The following NCOA4 variants were observed in gnomAD, a reference collection of about 807,000 sequenced individuals.
The protein encoded by NCOA4 is nuclear receptor coactivator 4, also known as 70 kDa AR-activator.
A neutral mutation model predicts 69.5 loss-of-function variants in NCOA4; 31 were observed. The observed-to-expected ratio is 0.45, with a 90% CI of 0.34 to 0.60. The LOEUF (loss-of-function observed/expected upper bound fraction) is 0.60, where lower values mean the gene tolerates loss of function less well. Among genes scored for constraint, NCOA4 ranks in the 20% least tolerant of loss-of-function variants. NCOA4 has a pLI of 0.02. For missense variants in NCOA4, 600 were observed against 719.2 expected (o/e 0.83, Z 1.90); for synonymous variants, 228 against 252.4 (o/e 0.90, Z 0.92).
Position 46,011,186 on chromosome 10 carries a change from AT to A in NCOA4, c.734del (p.Asn245IlefsTer10). ...ENSQTSSRAC[N>X]FFNNVGGNLK... ...GGTTTCCCCCGACATTATTGAAGAA[AT>A]TGCAGGCTCTGGAAGAAGTCTACAC... On this transcript the variant is annotated frameshift_variant, in exon 8 of 10. Transcript: ENST00000581486. LOFTEE classifies it high-confidence loss of function. The A allele has an allele frequency of 6.3e-7, 1 of 1,595,208 alleles. No individual in the cohort carries two copies. Among genetic ancestry groups the A allele is most frequent in the Non-Finnish European group, 8.5e-7 (1 of 1,173,908 alleles).
At chr10:46,012,770 T>C (rs1839310457) in intron 7 of NCOA4, 113 bp downstream of exon 7, 1 of 1,019,796 alleles carries the variant, frequency 9.8e-7, no homozygotes, top group South Asian at 2.8e-5. Context: ...TATTAATAAA[T>C]ATGTTTCCAG....
chr10:46,020,829 G>A (rs1839824255), intron 1 of NCOA4, among the ~76,000 whole-genome samples: 1 of 152,142 alleles, frequency 6.6e-6, no homozygotes. Context: ...TACTAAAAAT[G>A]TCTTTTTATC....
rs540189769 is a variant in NCOA4, at chr10:46,006,488, C to G, written c.*104G>C. The G allele has an allele frequency of 3.4e-5, 44 of 1,302,676 alleles. No individual in the cohort carries two copies. In the South Asian group the frequency reaches 4.7e-4, roughly 14 times the overall value. 80.7% of individuals were successfully genotyped at this position (1,302,676 alleles called of 1,614,324 possible). ...AAAATTAGGCAGGAGAAGAACTAAG[C>G]TAATTGGTCAGACCCAGAAACACAA... On this transcript the variant is annotated 3_prime_UTR_variant, in exon 10 of 10. Transcript: ENST00000581486.
Position 46,010,289 on chromosome 10 carries a change from C to T in NCOA4, c.1632G>A (p.Lys544=). 6.2e-7 allele frequency: 1 copy of T among 1,613,922 alleles called. No individual in the cohort carries two copies. The highest frequency in any genetic ancestry group is 8.5e-7 in the Non-Finnish European group (1 of 1,179,948). ...ATAACTGGCTGAGGTTGCCCATCTTCTTTCCTGGCAGGACCCAGTCAGCTG... is the reference window on the plus strand; with the variant it reads ...ATAACTGGCTGAGGTTGCCCATCTTTTTTCCTGGCAGGACCCAGTCAGCTG... ...FNTADWVLPG[K]KMGNLSQLSS... Residue 544 remains lysine (K), a synonymous_variant, in exon 8 of 10, where the codon AAG becomes AAA. Coordinates refer to ENST00000581486, the MANE Select transcript of NCOA4 (RefSeq NM_001145263.2).
chr10:46,014,404 G>T, intron 5 of NCOA4, 40 bp downstream of exon 5: 1 of 1,409,066 alleles, frequency 7.1e-7, no homozygotes, highest in Non-Finnish European at 1.0e-6. Context: ...TGAGGCCACA[G>T]ATATGAGAAG....
intron 9 of NCOA4, among the ~76,000 whole-genome samples, chr10:46,007,642 GACC>G (rs1838924629): frequency 8.1e-6 from 1 of 123,952 alleles, no homozygotes; most frequent in African/African-American, 3.1e-5. Flanking sequence ...AACCAGGCAA[GACC>G]GCAGCAGAGC....
chr10:46,016,917 C>CT (rs782129523), intron 1 of NCOA4, among the ~76,000 whole-genome samples: 22 of 152,214 alleles, frequency 1.4e-4, no homozygotes, highest in Middle Eastern at 3.2e-3. Context: ...TTTAGTGACA[C>CT]TTTACATGTG....
At chr10:46,017,631 G>A (rs974227249) in intron 1 of NCOA4, among the ~76,000 whole-genome samples, 1 of 152,128 alleles carries the variant, frequency 6.6e-6, no homozygotes, top group Non-Finnish European at 1.5e-5. Context: ...ATAAAAGAAT[G>A]TGCATTATAT....
chr10:46,012,720 A>G lies in NCOA4; in HGVS notation c.714+163T>C, dbSNP rs372834546. ...TTTATTTTTAAAATTTTCTATGATAAAGAGTTCCTTATTTTCTAAACTTTC... is the reference window on the plus strand; with the variant it reads ...TTTATTTTTAAAATTTTCTATGATAGAGAGTTCCTTATTTTCTAAACTTTC... On this transcript the variant is annotated intron_variant, in intron 7 of 9. Transcript: ENST00000581486. Among the ~76,000 whole-genome samples the G allele has an allele frequency of 8.5e-5, 13 of 152,186 alleles. 2 individuals carry two copies. Among genetic ancestry groups the G allele is most frequent in the East Asian group, 3.9e-4 (2 of 5,178 alleles).
At chr10:46,028,506 CT>C (rs1357500243) in intron 1 of NCOA4, among the ~76,000 whole-genome samples, 1 of 150,480 alleles carries the variant, frequency 6.6e-6, no homozygotes, top group African/African-American at 2.5e-5. Context: ...TCAATTAGCC[CT>C]CATTAAAGTG....
chr10:46,016,634 G>C lies in NCOA4; in HGVS notation c.47C>G (p.Pro16Arg), dbSNP rs1554923293. The C allele has an allele frequency of 9.0e-6, 14 of 1,548,358 alleles. No individual in the cohort carries two copies. Among genetic ancestry groups the C allele is most frequent in the African/African-American group, 1.4e-5 (1 of 73,490 alleles). Reference protein sequence around the residue: ...DQSGSSSNREPLLRCSDARRD... With the variant: ...DQSGSSSNRERLLRCSDARRD... ...CCGTGCATCACTACACCTCAAAAGG[G>C]GTTCTCTATTACTGGAGCTGCCACT... Residue 16 changes from proline (P) to arginine (R), a missense_variant, in exon 2 of 10, where the codon CCC becomes CGC. Pro to Arg is a moderately radical substitution (Grantham distance 103). Coordinates refer to ENST00000581486, the MANE Select transcript of NCOA4 (RefSeq NM_001145263.2).
rs797036352 is a variant in NCOA4 at position 46,006,247 on chromosome 10, CAA to C, written c.*343_*344del. ...GAATACATCAATATACTTCGATAAA[CAA>C]GAGTGTTTTAATGTACTTTTAGTAA... is the stretch of plus-strand genomic sequence containing the variant. On this transcript the variant is annotated 3_prime_UTR_variant, in exon 10 of 10. Coordinates refer to ENST00000581486, the MANE Select transcript of NCOA4 (RefSeq NM_001145263.2). The C allele has an allele frequency of 8.8e-6, 3 of 342,852 alleles. No homozygotes were observed. Among genetic ancestry groups the C allele is most frequent in the Admixed American group, 4.3e-5 (1 of 23,522 alleles). 21.2% of individuals were successfully genotyped at this position (342,852 alleles called of 1,614,324 possible).
intron 1 of NCOA4, among the ~76,000 whole-genome samples, chr10:46,019,707 T>C (rs1315160484): frequency 6.6e-6 from 1 of 152,202 alleles, no homozygotes; most frequent in African/African-American, 2.4e-5. Flanking sequence ...CAGCAAGAGT[T>C]CACACATTGG....
intron 1 of NCOA4, among the ~76,000 whole-genome samples, chr10:46,023,658 A>G (rs1329368611): frequency 6.6e-6 from 1 of 152,206 alleles, no homozygotes; most frequent in Non-Finnish European, 1.5e-5. Flanking sequence ...AGGACCTCGG[A>G]TGGCACCTGG....
Position 46,013,584 on chromosome 10 carries a change from AGGAAGG to A in NCOA4, c.530_535del (p.Pro177_Phe178del). 1 of 1,613,556 alleles carries A rather than the reference AGGAAGG, an allele frequency of 6.2e-7. No homozygotes were observed. Among genetic ancestry groups the A allele is most frequent in the Non-Finnish European group, 8.5e-7 (1 of 1,179,664 alleles). On this transcript the variant is annotated inframe_deletion, in exon 6 of 10. Transcript: ENST00000581486. ...CATGGAGATACAGCCTCTCTTCTCCAGGAAGGGCCCAATATTTGCTGAACTAGCATG... is the reference window on the plus strand; with the variant it reads ...CATGGAGATACAGCCTCTCTTCTCCAGCCCAATATTTGCTGAACTAGCATG...
chr10:46,006,179 C>A lies in NCOA4; in HGVS notation c.*413G>T. The A allele has an allele frequency of 4.2e-6, 1 of 239,036 alleles. No homozygotes were observed. Among genetic ancestry groups the A allele is most frequent in the Non-Finnish European group, 8.2e-6 (1 of 121,978 alleles). The allele number at this position is 239,036 out of a possible 1,614,324, so 14.8% of individuals were successfully genotyped here. A position where few individuals can be genotyped will look rare whatever the true frequency, so the allele number is the denominator to read the frequency against. On this transcript the variant is annotated 3_prime_UTR_variant, in exon 10 of 10. Transcript: ENST00000581486. ...AAAAGAAAACCCACAGCAAGAGAAG[C>A]ATCTGTAGGGCAATTAAACGTTAGG...
intron 1 of NCOA4, chr10:46,023,496 G>A: frequency 2.0e-6 from 2 of 985,558 alleles, no homozygotes; most frequent in Non-Finnish European, 2.4e-6. Flanking sequence ...TCAAGCCAAG[G>A]GCGGGGAGGA....
At chr10:46,025,830 C>T (rs782382418) in intron 1 of NCOA4, among the ~76,000 whole-genome samples, 2 of 152,236 alleles carry the variant, frequency 1.3e-5, no homozygotes, top group African/African-American at 2.4e-5. Context: ...TGCCTGCCTC[C>T]TTAGCCTGAG....
intron 4 of NCOA4, 109 bp downstream of exon 4, chr10:46,014,745 G>A (rs1839435621): frequency 1.1e-6 from 1 of 900,718 alleles, no homozygotes; most frequent in Non-Finnish European, 1.7e-6. Context: ...TCTTATCCTA[G>A]CAACACAGAA....
Sources: gnomAD v4.1 joint callset for allele counts (sites outside exome capture counted in the v4.1 genomes callset) on GRCh38, gnomAD v4.1.1 for gene constraint, MANE v1.5 for transcripts, NCBI Gene and HGNC (gene_info 2026-07-23, HGNC 2026-07-21) for gene names.